The following L3MBTL4 variants were observed in gnomAD, a reference collection of about 807,000 sequenced individuals.
L3MBTL4 encodes the protein L3MBTL histone methyl-lysine binding protein 4.
L3MBTL4 carries 70 observed loss-of-function variants against 84.5 expected under a neutral mutation model. That is an observed-to-expected ratio of 0.83 (90% confidence interval 0.68 to 1.01). The LOEUF (loss-of-function observed/expected upper bound fraction) is 1.01, where lower values mean the gene tolerates loss of function less well. L3MBTL4 is among the 50% of genes least tolerant of loss of function. L3MBTL4 has a pLI of 0.00. For missense variants in L3MBTL4, 715 were observed against 754.8 expected (o/e 0.95, Z 0.62); for synonymous variants, 274 against 259.8 (o/e 1.05, Z -0.52).
At chr18:5,959,082 A>G (rs1472543404) in intron 18 of L3MBTL4, among the ~76,000 whole-genome samples, 2 of 152,172 alleles carry the variant, frequency 1.3e-5, no homozygotes, top group East Asian at 1.9e-4. Flanking sequence ...GAGTTCCTCT[A>G]CTGTGCTCGG....
chr18:5,993,321 G>T (rs1284091391), intron 16 of L3MBTL4, among the ~76,000 whole-genome samples: 2 of 152,176 alleles, frequency 1.3e-5, no homozygotes, highest in African/African-American at 4.8e-5. Context: ...ATAAATCTGG[G>T]CACAAAGCAC....
intron 5 of L3MBTL4, among the ~76,000 whole-genome samples, chr18:6,253,994 T>G (rs1004819566): frequency 1.3e-5 from 2 of 152,224 alleles, no homozygotes; most frequent in Non-Finnish European, 2.9e-5. Context: ...GCTCTTTTTC[T>G]ATTCTTGTTC....
intron 16 of L3MBTL4, among the ~76,000 whole-genome samples, chr18:6,005,022 T>TTTTTTTTTTTTTC (rs1239315866): frequency 7.2e-6 from 1 of 139,644 alleles, no homozygotes; most frequent in Non-Finnish European, 1.5e-5. Flanking sequence ...TTTTTTTTTT[T>TTTTTTTTTTTTTC]TTTTTACTTT....
Position 5,956,226 on chromosome 18 carries a change from C to A in L3MBTL4, c.1839G>T (p.Arg613Ser). 6.2e-7 allele frequency: 1 copy of A among 1,612,740 alleles called. No homozygotes were observed. The highest frequency in any genetic ancestry group is 1.7e-4 in the Middle Eastern group (1 of 5,800). Residue 613 changes from arginine (R) to serine (S), a missense_variant, in exon 19 of 19, where the codon AGG (arginine) becomes AGT (serine). By Grantham distance (110) the Arg-to-Ser change is moderately radical. Coordinates refer to ENST00000317931, the MANE Select transcript of L3MBTL4 (RefSeq NM_001330559.2). ...GGAAGTTCAGGGAGCCCATTCATCC[C>A]CTGACTTCTTGGCCTGAGGCAATAT... ...EEDIASGQEV[R>S]G
intron 1 of L3MBTL4, among the ~76,000 whole-genome samples, chr18:6,320,313 A>G (rs909929060): frequency 6.6e-6 from 1 of 152,122 alleles, no homozygotes; most frequent in Non-Finnish European, 1.5e-5. Flanking sequence ...AGAGGAAGAA[A>G]TAAAGGGCAT....
At chr18:6,133,449 C>T (rs1329929471) in intron 14 of L3MBTL4, among the ~76,000 whole-genome samples, 2 of 152,140 alleles carry the variant, frequency 1.3e-5, no homozygotes, top group Non-Finnish European at 2.9e-5. Flanking sequence ...CCATCAACTC[C>T]AGCAGAGTCC....
intron 13 of L3MBTL4, among the ~76,000 whole-genome samples, chr18:6,165,170 A>G (rs1217382915): frequency 6.6e-6 from 1 of 152,226 alleles, no homozygotes; most frequent in Non-Finnish European, 1.5e-5. Context: ...TCCAAGAAAT[A>G]TGGGACTATG....
chr18:6,013,121 T>C (rs758666238), intron 16 of L3MBTL4, among the ~76,000 whole-genome samples: 2 of 152,178 alleles, frequency 1.3e-5, no homozygotes, highest in Non-Finnish European at 2.9e-5. Flanking sequence ...AGTCACTCAC[T>C]GCAGGGTCCC....
chr18:6,260,845 T>C (rs2048367533), intron 5 of L3MBTL4: 1 of 152,278 alleles, frequency 6.6e-6, no homozygotes, highest in South Asian at 2.1e-4. Context: ...AATGTCAATA[T>C]AAAATTGAGT....
chr18:6,125,638 C>A (rs996487548), intron 14 of L3MBTL4, among the ~76,000 whole-genome samples: 30 of 152,256 alleles, frequency 2.0e-4, no homozygotes, highest in African/African-American at 7.0e-4. Context: ...CTATGTTGTC[C>A]AGGCTGGTCT....
intron 13 of L3MBTL4, among the ~76,000 whole-genome samples, chr18:6,162,047 T>C (rs116282135): frequency 1.0e-3 from 159 of 151,860 alleles, no homozygotes; most frequent in African/African-American, 3.7e-3. Flanking sequence ...GCTACTAATT[T>C]GTTGAAAAAA....
intron 12 of L3MBTL4, among the ~76,000 whole-genome samples, chr18:6,193,913 G>A (rs1384300764): frequency 6.6e-6 from 1 of 152,174 alleles, no homozygotes; most frequent in East Asian, 1.9e-4. Flanking sequence ...GGAATAGCAG[G>A]ACAAATGAGT....
chr18:6,092,499 C>T (rs930923323), intron 15 of L3MBTL4, among the ~76,000 whole-genome samples: 6 of 152,202 alleles, frequency 3.9e-5, no homozygotes, highest in Admixed American at 1.3e-4. Flanking sequence ...AAGCAGTCGT[C>T]CCTTCAAATC....
At chr18:6,146,057 C>T (rs1420620982) in intron 13 of L3MBTL4, among the ~76,000 whole-genome samples, 2 of 152,206 alleles carry the variant, frequency 1.3e-5, no homozygotes, top group Admixed American at 6.5e-5. Context: ...GCACGGGACA[C>T]GCTGGGACAA....
chr18:6,105,014 C>T (rs185359229), intron 14 of L3MBTL4, among the ~76,000 whole-genome samples: 4 of 151,982 alleles, frequency 2.6e-5, no homozygotes, highest in Admixed American at 6.5e-5. Context: ...AAAGACAAAA[C>T]GACCCTGAGA....
chr18:6,128,587 A>C (rs1334797372), intron 14 of L3MBTL4, among the ~76,000 whole-genome samples: 2 of 152,182 alleles, frequency 1.3e-5, no homozygotes, highest in African/African-American at 4.8e-5. Context: ...TAAACATAAC[A>C]TGGAATGATG....
At chr18:6,349,373 A>G (rs2053070237) in intron 1 of L3MBTL4, among the ~76,000 whole-genome samples, 1 of 152,234 alleles carries the variant, frequency 6.6e-6, no homozygotes, top group Non-Finnish European at 1.5e-5. Flanking sequence ...AACTACTGCT[A>G]TATAGAATAG....
chr18:6,034,144 T>C (rs2055982459), intron 16 of L3MBTL4, among the ~76,000 whole-genome samples: 1 of 148,492 alleles, frequency 6.7e-6, no homozygotes, highest in African/African-American at 2.5e-5. Context: ...TCTCCCTCGC[T>C]TTTTTTTTTA....
At position 6,148,051 on chromosome 18, in the gene L3MBTL4, C is replaced by T. The variant is rs558955038; in HGVS notation, c.1097-9755G>A. Among the ~76,000 whole-genome samples the T allele has an allele frequency of 1.1e-4, 17 of 151,976 alleles. No homozygotes were observed. The South Asian group carries it at 2.9e-3, about 26-fold the overall frequency. ...AATGATTTGACCTGTAGACTCCAGT[C>T]GAAGCATCTGAGATCTGGTGTGTAT... On this transcript the variant is annotated intron_variant, in intron 13 of 18. Coordinates refer to ENST00000317931, the MANE Select transcript of L3MBTL4 (RefSeq NM_001330559.2).
Sources: allele counts gnomAD v4.1 joint callset (sites outside exome capture counted in the v4.1 genomes callset), GRCh38; gene constraint gnomAD v4.1.1; transcripts MANE v1.5; gene names NCBI Gene and HGNC (gene_info 2026-07-23, HGNC 2026-07-21).